The following LUZP2 variants were observed in gnomAD, a reference collection of about 807,000 sequenced individuals.
LUZP2 encodes the protein leucine zipper protein 2.
Under a neutral mutation model 51.6 loss-of-function variants are expected in LUZP2, and 52 were observed. The ratio of observed to expected loss-of-function variants is 1.01; its 90% confidence interval spans 0.81 to 1.27. LUZP2 has a LOEUF of 1.27. Ranked by LOEUF, LUZP2 falls within the 50% of genes most tolerant of loss-of-function variation. The probability of loss-of-function intolerance (pLI) is 0.00; values close to 1 mark genes in which losing one functional copy is unlikely to be tolerated. For missense variants in LUZP2, 436 were observed against 395.4 expected, an observed-to-expected ratio of 1.10 and a Z score of -0.87; for synonymous variants, 154 against 137.3, an observed-to-expected ratio of 1.12 and a Z score of -0.85.
At chr11:24,603,522 G>A (rs1277681327) in intron 1 of LUZP2, among the ~76,000 whole-genome samples, 1 of 150,750 alleles carries the variant, frequency 6.6e-6, no homozygotes, top group Non-Finnish European at 1.5e-5. Flanking sequence ...TGAAAATATA[G>A]AACACCATTT....
At chr11:25,059,836 A>G (rs766983270) in intron 10 of LUZP2, among the ~76,000 whole-genome samples, 2 of 152,200 alleles carry the variant, frequency 1.3e-5, no homozygotes, top group East Asian at 3.8e-4. Flanking sequence ...TGTTGACCAC[A>G]GAAGTGTAAA....
chr11:25,059,595 G>A (rs530887000), intron 10 of LUZP2, among the ~76,000 whole-genome samples: 10 of 152,100 alleles, frequency 6.6e-5, no homozygotes, highest in African/African-American at 2.4e-4. Context: ...AGATTAGATG[G>A]GCTGATTGAT....
intron 1 of LUZP2, among the ~76,000 whole-genome samples, chr11:24,509,699 T>C (rs148463240): frequency 6.6e-6 from 1 of 151,498 alleles, no homozygotes; most frequent in African/African-American, 2.4e-5. Flanking sequence ...TTAATAACTA[T>C]TTTAAATATA....
chr11:24,929,712 T>TTC (rs1854389547), intron 7 of LUZP2, among the ~76,000 whole-genome samples: 11 of 152,166 alleles, frequency 7.2e-5, no homozygotes, highest in Admixed American at 7.2e-4. Context: ...TGGTACAATG[T>TTC]TCTGTAAATA....
intron 5 of LUZP2, among the ~76,000 whole-genome samples, chr11:24,776,609 A>C (rs1312254972): frequency 6.6e-6 from 1 of 152,192 alleles, no homozygotes; most frequent in Non-Finnish European, 1.5e-5. Flanking sequence ...TGCTGTTCCC[A>C]AGTCATATGT....
At chr11:24,953,891 A>G (rs2133867228) in intron 7 of LUZP2, among the ~76,000 whole-genome samples, 1 of 152,210 alleles carries the variant, frequency 6.6e-6, no homozygotes, top group East Asian at 1.9e-4. Flanking sequence ...ACAGACAGGT[A>G]AATGGATAAA....
chr11:24,970,472 G>C (rs1855710882), intron 7 of LUZP2, among the ~76,000 whole-genome samples: 1 of 152,122 alleles, frequency 6.6e-6, no homozygotes, highest in South Asian at 2.1e-4. Context: ...GTTTTACCTA[G>C]AGGGAAAGGG....
At chr11:24,950,212 T>C (rs1855037898) in intron 7 of LUZP2, among the ~76,000 whole-genome samples, 2 of 151,292 alleles carry the variant, frequency 1.3e-5, no homozygotes, top group African/African-American at 4.8e-5. Flanking sequence ...GATTGATGAA[T>C]GGTGAGACAA....
At chr11:24,999,415 AAGAAGG>A (rs966830573) in intron 9 of LUZP2, among the ~76,000 whole-genome samples, 6 of 151,122 alleles carry the variant, frequency 4.0e-5, no homozygotes, top group Non-Finnish European at 7.4e-5. Context: ...GAAGGAGAAG[AAGAAGG>A]AGGAGGAGGA....
At chr11:24,542,345 T>C (rs1851396220) in intron 1 of LUZP2, among the ~76,000 whole-genome samples, 1 of 152,072 alleles carries the variant, frequency 6.6e-6, no homozygotes, top group African/African-American at 2.4e-5. Context: ...TGTATGACAG[T>C]CACTGCTGGA....
At chr11:25,032,340 T>C (rs1857713491) in intron 9 of LUZP2, among the ~76,000 whole-genome samples, 1 of 152,196 alleles carries the variant, frequency 6.6e-6, no homozygotes, top group Admixed American at 6.6e-5. Context: ...AACGCTGGTA[T>C]GACAACAAAT....
In LUZP2 at chr11:24,897,521, A is replaced by G. The variant is rs181771415; in HGVS notation, c.397-8470A>G. On this transcript the variant is annotated intron_variant, in intron 5 of 11. Transcript: ENST00000336930. ...GAACAAACAACTCCCGAGGCGCTGC[A>G]TTAAGAGCTGTAACACTCACCGCGA... Among the ~76,000 whole-genome samples the G allele has an allele frequency of 2.8e-3, 426 of 152,150 alleles. 2 individuals are homozygous for G. Among genetic ancestry groups the G allele is most frequent in the Admixed American group, 6.9e-3 (106 of 15,280 alleles).
chr11:24,677,677 A>G (rs1856607326), intron 1 of LUZP2, among the ~76,000 whole-genome samples: 1 of 152,218 alleles, frequency 6.6e-6, no homozygotes. Context: ...TTGTAAATAT[A>G]TATGAACATG....
At position 24,894,299 on chromosome 11, in the gene LUZP2, G is replaced by A. The variant is rs181390913; in HGVS notation, c.397-11692G>A. Among the ~76,000 whole-genome samples, 82 of 150,890 alleles carry A rather than the reference G, an allele frequency of 5.4e-4. 1 individual carries two copies. The East Asian group carries it at 0.016, about 30-fold the overall frequency. ...AAGCAATTCTCCTTCCTCAGCCTCCGGAGTAGCTGGGCTTACAGGTGCCTG... is the reference window on the plus strand; with the variant it reads ...AAGCAATTCTCCTTCCTCAGCCTCCAGAGTAGCTGGGCTTACAGGTGCCTG... On this transcript the variant is annotated intron_variant, in intron 5 of 11. Coordinates refer to ENST00000336930, the MANE Select transcript of LUZP2 (RefSeq NM_001009909.4).
rs868112034 is a variant in LUZP2, at chr11:24,890,895, T to C, written c.397-15096T>C. The C allele has an allele frequency of 4.7e-5, 10 of 213,806 alleles. No individual in the cohort carries two copies. In the South Asian group the frequency reaches 9.9e-4, roughly 21 times the overall value. The allele number at this position is 213,806 out of a possible 1,614,324, so 13.2% of individuals were successfully genotyped here. ...CCATTTACAGGAGGAGTAAAAGTTC[T>C]TTTTTTTTTTTTTTTTTTTGCAGGT... is the stretch of plus-strand genomic sequence containing the variant. On this transcript the variant is annotated intron_variant, in intron 5 of 11. Coordinates refer to ENST00000336930, the MANE Select transcript of LUZP2 (RefSeq NM_001009909.4).
intron 1 of LUZP2, among the ~76,000 whole-genome samples, chr11:24,600,693 T>G (rs1853603162): frequency 6.6e-6 from 1 of 152,112 alleles, no homozygotes; most frequent in Non-Finnish European, 1.5e-5. Context: ...TAAGTAAGAT[T>G]ATGTGTCTTA....
chr11:24,511,626 G>T (rs904361298), intron 1 of LUZP2, among the ~76,000 whole-genome samples: 3 of 152,106 alleles, frequency 2.0e-5, no homozygotes, highest in Non-Finnish European at 4.4e-5. Context: ...ATGGTTAAAC[G>T]TTGAACTTAG....
chr11:24,506,582 T>C (rs769774988), intron 1 of LUZP2, among the ~76,000 whole-genome samples: 1 of 152,120 alleles, frequency 6.6e-6, no homozygotes, highest in African/African-American at 2.4e-5. Flanking sequence ...ATCCCTTTTG[T>C]GTGTTCTCTA....
chr11:24,520,114 A>C (rs549394833), intron 1 of LUZP2, among the ~76,000 whole-genome samples: 1 of 152,306 alleles, frequency 6.6e-6, no homozygotes, highest in South Asian at 2.1e-4. Context: ...TTAGTTTTGG[A>C]GAATTTTGAA....
Sources: gnomAD v4.1 joint callset for allele counts (sites outside exome capture counted in the v4.1 genomes callset) on GRCh38, gnomAD v4.1.1 for gene constraint, MANE v1.5 for transcripts, NCBI Gene and HGNC (gene_info 2026-07-23, HGNC 2026-07-21) for gene names.